The following KLHDC4 variants were observed in gnomAD, a reference collection of about 807,000 sequenced individuals.
KLHDC4 encodes kelch domain containing 4.
Under a neutral mutation model 62.4 loss-of-function variants are expected in KLHDC4, and 90 were observed. The ratio of observed to expected loss-of-function variants is 1.44; its 90% confidence interval spans 1.22 to 1.72. KLHDC4 has a LOEUF of 1.72. KLHDC4 is among the 40% of genes most tolerant of loss of function. The probability of loss-of-function intolerance (pLI) is 0.00; values close to 1 mark genes in which losing one functional copy is unlikely to be tolerated. For synonymous variants in KLHDC4, 386 were observed against 284.4 expected (o/e 1.36, Z -3.59); for missense variants, 1,025 against 699.7 (o/e 1.47, Z -5.25).
chr16:87,756,541 C>G lies in KLHDC4; in HGVS notation c.192-64G>C. 1.7e-5 allele frequency: 20 copies of G among 1,174,630 alleles called. No homozygotes were observed. In the South Asian group the frequency reaches 2.5e-4, roughly 15 times the overall value. The allele number at this position is 1,174,630 out of a possible 1,614,324, so 72.8% of individuals were successfully genotyped here. On this transcript the variant is annotated intron_variant, in intron 2 of 11. Coordinates refer to ENST00000270583, the MANE Select transcript of KLHDC4 (RefSeq NM_017566.4). The stretch of plus-strand genomic sequence containing the variant: ...CCGATACCCACCTGAGCGCTGTCCC[C>G]TTCCTCACAGAATCCTCTGTCACCA...
intron 5 of KLHDC4, among the ~76,000 whole-genome samples, chr16:87,739,387 A>G (rs1461659192): frequency 7.1e-6 from 1 of 141,012 alleles, no homozygotes; most frequent in South Asian, 2.5e-4. Context: ...CACGTCATCC[A>G]TCCACACACC....
chr16:87,710,097 C>G (rs531797850), intron 9 of KLHDC4: 2 of 170,986 alleles, frequency 1.2e-5, no homozygotes, highest in Admixed American at 5.6e-5. Context: ...CCAAGCAAGA[C>G]AGACGGTCAG....
In KLHDC4 at chr16:87,750,004, G is replaced by C. The variant is rs188194307; in HGVS notation, c.370-1195C>G. 3.2e-3 allele frequency among the ~76,000 whole-genome samples: 485 copies of C among 152,310 alleles called. 1 individual carries two copies. Among genetic ancestry groups the C allele is most frequent in the African/African-American group, 0.011 (460 of 41,566 alleles). On this transcript the variant is annotated intron_variant, in intron 4 of 11. Coordinates refer to ENST00000270583, the MANE Select transcript of KLHDC4 (RefSeq NM_017566.4). Reference sequence around the variant, plus strand: ...CCGGCAGCAGGGGATGCTGAGGAGAGAGCAGACCACCAATCAAAAACAACG... The same window carrying C: ...CCGGCAGCAGGGGATGCTGAGGAGACAGCAGACCACCAATCAAAAACAACG...
intron 2 of KLHDC4, among the ~76,000 whole-genome samples, chr16:87,758,653 C>G (rs1388145416): frequency 6.6e-6 from 1 of 152,136 alleles, no homozygotes; most frequent in Non-Finnish European, 1.5e-5. Flanking sequence ...ATAAAATACA[C>G]TAACACTAAC....
intron 5 of KLHDC4, among the ~76,000 whole-genome samples, chr16:87,732,191 G>T (rs984116438): frequency 2.0e-5 from 3 of 151,882 alleles, no homozygotes; most frequent in African/African-American, 7.3e-5. Context: ...CGCCTCCAGG[G>T]TTCAAGTGAA....
chr16:87,724,643 C>T (rs2039016969), intron 7 of KLHDC4, among the ~76,000 whole-genome samples: 1 of 152,198 alleles, frequency 6.6e-6, no homozygotes, highest in African/African-American at 2.4e-5. Context: ...ACCACACATC[C>T]ACCAGAGCAG....
intron 7 of KLHDC4, among the ~76,000 whole-genome samples, chr16:87,716,863 C>A (rs1014821031): frequency 6.6e-6 from 1 of 152,080 alleles, no homozygotes; most frequent in Non-Finnish European, 1.5e-5. Flanking sequence ...ACCCAGGAGG[C>A]GGAGCTTGCA....
chr16:87,744,984 C>T (rs1002917418), intron 5 of KLHDC4, among the ~76,000 whole-genome samples: 2 of 87,350 alleles, frequency 2.3e-5, no homozygotes, highest in Non-Finnish European at 4.4e-5. Context: ...CATCTGCACA[C>T]ACGCGGTGCA....
intron 7 of KLHDC4, 92 bp from the exon 8 acceptor site, chr16:87,714,665 G>A (rs545796386): frequency 1.3e-5 from 18 of 1,363,898 alleles, no homozygotes; most frequent in Non-Finnish European, 1.8e-5. Context: ...TGGATGGAAG[G>A]GGCTGGAGGC....
chr16:87,702,581 T>A (rs1292625213), exon 1 of KLHDC4: 1 of 329,234 alleles, frequency 3.0e-6, no homozygotes, highest in South Asian at 2.5e-5. Context: ...AGCAGGACTC[T>A]GCTCATCTGC....
intron 7 of KLHDC4, among the ~76,000 whole-genome samples, chr16:87,717,307 G>T (rs971049512): frequency 6.6e-6 from 1 of 152,214 alleles, no homozygotes; most frequent in Admixed American, 6.5e-5. Flanking sequence ...TTTCTAGGCC[G>T]TCCCATCTGG....
At chr16:87,725,407 C>T (rs1006055150) in intron 7 of KLHDC4, among the ~76,000 whole-genome samples, 42 of 152,114 alleles carry the variant, frequency 2.8e-4, no homozygotes, top group African/African-American at 8.7e-4. Context: ...CCTCGTGAGC[C>T]GCCCGCCTCG....
intron 5 of KLHDC4, among the ~76,000 whole-genome samples, chr16:87,746,688 G>T (rs2043088654): frequency 6.6e-6 from 1 of 152,128 alleles, no homozygotes; most frequent in Non-Finnish European, 1.5e-5. Context: ...GGGTGATTCT[G>T]GCAAAAAGAA....
chr16:87,731,195 C>G (rs2040309151), intron 5 of KLHDC4, among the ~76,000 whole-genome samples: 2 of 151,270 alleles, frequency 1.3e-5, no homozygotes, highest in African/African-American at 4.9e-5. Flanking sequence ...TCCTGAGTAG[C>G]TGGAATTACA....
At chr16:87,702,048 G>A (rs1436360260) in exon 1 of KLHDC4, 14 of 456,156 alleles carry the variant, frequency 3.1e-5, no homozygotes, top group Non-Finnish European at 4.4e-5. Flanking sequence ...TCTGGTCCCT[G>A]GTGACCCCAG....
chr16:87,730,351 A>C (rs1473886481), intron 6 of KLHDC4, among the ~76,000 whole-genome samples: 2 of 152,264 alleles, frequency 1.3e-5, no homozygotes, highest in African/African-American at 2.4e-5. Context: ...AAGAATTTCA[A>C]TAGGAATACA....
intron 7 of KLHDC4, among the ~76,000 whole-genome samples, chr16:87,718,392 TCTCTCC>T (rs1255615756): frequency 8.1e-5 from 10 of 123,996 alleles, no homozygotes; most frequent in Non-Finnish European, 1.5e-4. Context: ...CCTCTCCCTC[TCTCTCC>T]ACGGTCTCCC....
chr16:87,762,871 C>G (rs765270520), intron 1 of KLHDC4, among the ~76,000 whole-genome samples: 2 of 152,224 alleles, frequency 1.3e-5, no homozygotes, highest in South Asian at 4.1e-4. Context: ...TGCAACTACA[C>G]ACACCTGCAG....
chr16:87,739,921 T>C (rs60625261), intron 5 of KLHDC4: 8,749 of 152,342 alleles, frequency 0.057, 326 homozygotes, highest in South Asian at 0.16. Context: ...TGCGCAATTC[T>C]GTGAACATGC....
Sources: gnomAD v4.1 joint callset for allele counts (sites outside exome capture counted in the v4.1 genomes callset) on GRCh38, gnomAD v4.1.1 for gene constraint, MANE v1.5 for transcripts, NCBI Gene and HGNC (gene_info 2026-07-23, HGNC 2026-07-21) for gene names.